Variants in LINGO2 observed in about 807,000 individuals in gnomAD.
The protein encoded by LINGO2 is leucine-rich repeat and immunoglobulin-like domain-containing nogo receptor-interacting protein 2.
Under a neutral mutation model 30.6 loss-of-function variants are expected in LINGO2, and 14 were observed. The ratio of observed to expected loss-of-function variants is 0.46; its 90% CI spans 0.30 to 0.72. LINGO2 has a LOEUF of 0.72. Ranked by LOEUF, LINGO2 falls within the 30% of genes least tolerant of loss-of-function variation. The probability of loss-of-function intolerance (pLI) is 0.07; values close to 1 mark genes in which losing one functional copy is unlikely to be tolerated. For missense variants in LINGO2, 729 were observed against 751.7 expected (o/e 0.97, Z 0.35); for synonymous variants, 317 against 288.5 (o/e 1.10, Z -1.00).
chr9:28,262,270 CTTT>C (rs56166353), intron 4 of LINGO2, among the ~76,000 whole-genome samples: 4 of 151,036 alleles, frequency 2.6e-5, no homozygotes, highest in African/African-American at 9.7e-5. Flanking sequence ...CTGAATATTA[CTTT>C]TTTTTTTGTC....
At chr9:28,636,135 C>T (rs1296238368) in intron 1 of LINGO2, among the ~76,000 whole-genome samples, 2 of 152,102 alleles carry the variant, frequency 1.3e-5, no homozygotes, top group Non-Finnish European at 2.9e-5. Context: ...TCATCCATGT[C>T]CCTACAAAGG....
chr9:28,350,696 A>T (rs1202222015), intron 3 of LINGO2, among the ~76,000 whole-genome samples: 9 of 151,632 alleles, frequency 5.9e-5, no homozygotes, highest in Non-Finnish European at 1.2e-4. Context: ...CAGAATATAC[A>T]TTTTTTTCAG....
chr9:28,941,794 C>T, the LINGO2 span, among the ~76,000 whole-genome samples: 7 of 152,024 alleles, frequency 4.6e-5, no homozygotes, highest in East Asian at 7.8e-4. Flanking sequence ...TCCTTAAAAC[C>T]TTTGGTATAC....
intron 1 of LINGO2, among the ~76,000 whole-genome samples, chr9:28,616,711 T>C (rs977579825): frequency 6.6e-6 from 1 of 152,196 alleles, no homozygotes; most frequent in Non-Finnish European, 1.5e-5. Context: ...CACTGTGCAA[T>C]CATTTGGACT....
chr9:28,055,426 T>C (rs977585654), intron 4 of LINGO2, among the ~76,000 whole-genome samples: 3 of 152,242 alleles, frequency 2.0e-5, no homozygotes, highest in Middle Eastern at 3.4e-3. Context: ...CACATTTCTG[T>C]TGGGTATAAG....
chr9:28,401,001 C>T (rs1390672143), intron 2 of LINGO2, among the ~76,000 whole-genome samples: 9 of 151,892 alleles, frequency 5.9e-5, no homozygotes, highest in Non-Finnish European at 1.3e-4. Context: ...GGTGACTGCT[C>T]CTAAACACCA....
chr9:28,088,981 A>C (rs534597479), intron 4 of LINGO2, among the ~76,000 whole-genome samples: 165 of 152,330 alleles, frequency 1.1e-3, no homozygotes, highest in Non-Finnish European at 1.8e-3. Context: ...CCATTACATA[A>C]TGGTAAAGGG....
the LINGO2 span, among the ~76,000 whole-genome samples, chr9:29,120,585 A>G: frequency 6.6e-6 from 1 of 152,150 alleles, no homozygotes; most frequent in Admixed American, 6.5e-5. Context: ...CAAACAACCA[A>G]TGCTCTAATT....
intron 1 of LINGO2, among the ~76,000 whole-genome samples, chr9:28,527,171 C>A (rs1435551790): frequency 1.3e-5 from 2 of 152,116 alleles, no homozygotes; most frequent in Non-Finnish European, 2.9e-5. Flanking sequence ...TACAGGCAAG[C>A]AAACTTGGTT....
At chr9:28,884,946 A>T in the LINGO2 span, among the ~76,000 whole-genome samples, 3 of 76,534 alleles carry the variant, frequency 3.9e-5, no homozygotes, top group African/African-American at 1.1e-4. Context: ...TATAATATAT[A>T]TAATATATAA....
the LINGO2 span, among the ~76,000 whole-genome samples, chr9:28,848,053 A>AGTGTG: frequency 7.0e-5 from 1 of 14,266 alleles, no homozygotes; most frequent in Non-Finnish European, 1.6e-4. Context: ...TAGTATATAT[A>AGTGTG]TATATATATG....
At chr9:28,304,808 G>C (rs1040659523) in intron 3 of LINGO2, among the ~76,000 whole-genome samples, 1 of 151,958 alleles carries the variant, frequency 6.6e-6, no homozygotes, top group Non-Finnish European at 1.5e-5. Flanking sequence ...ACTCAAAGTA[G>C]CATGGAGTAT....
At chr9:28,128,168 A>T (rs1827291587) in intron 4 of LINGO2, among the ~76,000 whole-genome samples, 1 of 152,194 alleles carries the variant, frequency 6.6e-6, no homozygotes, top group Non-Finnish European at 1.5e-5. Flanking sequence ...CAATCCCTTT[A>T]TTTCACAGAA....
intron 1 of LINGO2, among the ~76,000 whole-genome samples, chr9:28,636,382 C>A (rs150654731): frequency 0.08 from 12,190 of 152,154 alleles, 688 homozygotes; most frequent in Admixed American, 0.2. Context: ...AGTTCTAGAT[C>A]CCGGAGGAAT....
intron 1 of LINGO2, among the ~76,000 whole-genome samples, chr9:28,566,316 A>C (rs1395840163): frequency 6.6e-6 from 1 of 152,138 alleles, no homozygotes; most frequent in Non-Finnish European, 1.5e-5. Flanking sequence ...AGCTACACCT[A>C]TGCTTATTAA....
intron 1 of LINGO2, among the ~76,000 whole-genome samples, chr9:28,583,598 G>GA (rs1468036698): frequency 6.6e-6 from 1 of 151,776 alleles, no homozygotes; most frequent in Non-Finnish European, 1.5e-5. Context: ...AGTTAATAAA[G>GA]AAAAAAATTT....
At chr9:28,296,374 T>C (rs1468940995) in intron 3 of LINGO2, among the ~76,000 whole-genome samples, 1 of 152,196 alleles carries the variant, frequency 6.6e-6, no homozygotes, top group Non-Finnish European at 1.5e-5. Flanking sequence ...AGCAAATTTA[T>C]TACTATTATT....
At chr9:28,322,851 A>G (rs1825097478) in intron 3 of LINGO2, among the ~76,000 whole-genome samples, 1 of 152,238 alleles carries the variant, frequency 6.6e-6, no homozygotes, top group African/African-American at 2.4e-5. Flanking sequence ...AGTGAAAGTA[A>G]TAAGATTGCC....
the LINGO2 span, among the ~76,000 whole-genome samples, chr9:28,684,947 C>T: frequency 2.6e-5 from 4 of 152,058 alleles, no homozygotes; most frequent in Admixed American, 6.6e-5. Flanking sequence ...ATGCATAACA[C>T]GTGATAGGTG....
Sources: gnomAD v4.1 joint callset for allele counts (sites outside exome capture counted in the v4.1 genomes callset) on GRCh38, gnomAD v4.1.1 for gene constraint, MANE v1.5 for transcripts, NCBI Gene and HGNC (gene_info 2026-07-23, HGNC 2026-07-21) for gene names.